HIF3A: variants seen among roughly 807,000 people sequenced by gnomAD.
HIF3A encodes the protein hypoxia inducible factor 3 subunit alpha, also known as hypoxia-inducible factor 3-alpha.
In HIF3A, 41 loss-of-function variants were observed where a neutral mutation model predicts 67.2. The observed-to-expected ratio is 0.61, with a 90% CI of 0.48 to 0.79. The LOEUF (loss-of-function observed/expected upper bound fraction) is 0.79. Ranked by LOEUF, HIF3A falls within the 30% of genes least tolerant of loss-of-function variation. The pLI, the probability that HIF3A is intolerant of heterozygous loss-of-function variation, is 0.00. For missense variants in HIF3A, 855 were observed against 898.0 expected (o/e 0.95, Z 0.61); for synonymous variants, 356 against 374.8 (o/e 0.95, Z 0.58).
rs1971863456 is a variant in HIF3A, at chr19:46,339,672, C to T, written c.*50C>T. On this transcript the variant is annotated 3_prime_UTR_variant, in exon 15 of 15. Coordinates refer to ENST00000377670, the MANE Select transcript of HIF3A (RefSeq NM_152795.4). ...TCTCCTCCCCCAGAAAGGACCTCAA[C>T]CACACTCCACGCCGGCAGCCAACGC... The T allele has an allele frequency of 7.3e-7, 1 of 1,370,942 alleles. No homozygotes were observed. The highest frequency in any genetic ancestry group is 1.5e-5 in the African/African-American group (1 of 68,940). The allele number at this position is 1,370,942 out of a possible 1,614,324, so 84.9% of individuals were successfully genotyped here. A position where few individuals can be genotyped will look rare whatever the true frequency, so the allele number is the denominator to read the frequency against.
chr19:46,324,949 T>C (rs1970654820), intron 10 of HIF3A, among the ~76,000 whole-genome samples: 1 of 142,164 alleles, frequency 7.0e-6, no homozygotes, highest in Non-Finnish European at 1.5e-5. Context: ...TATACATATA[T>C]ATATATATAC....
intron 11 of HIF3A, among the ~76,000 whole-genome samples, chr19:46,326,594 T>A (rs1257748022): frequency 1.3e-5 from 2 of 152,116 alleles, no homozygotes; most frequent in African/African-American, 4.8e-5. Flanking sequence ...CCTTACAGCA[T>A]CAGCTTGAAG....
At chr19:46,324,943 C>T (rs1172593888) in intron 10 of HIF3A, among the ~76,000 whole-genome samples, 11 of 132,244 alleles carry the variant, frequency 8.3e-5, no homozygotes, top group South Asian at 2.5e-4. Flanking sequence ...TATATATATA[C>T]ATATATATAT....
chr19:46,335,755 A>C (rs1160156648), intron 14 of HIF3A, among the ~76,000 whole-genome samples: 1 of 151,772 alleles, frequency 6.6e-6, no homozygotes, highest in Admixed American at 6.6e-5. Flanking sequence ...AGAGTGCAAG[A>C]GGGCAGGGTG....
At chr19:46,312,132 G>C (rs1969483054) in intron 6 of HIF3A, 29 bp from the exon 7 acceptor site, 7 of 1,570,216 alleles carry the variant, frequency 4.5e-6, no homozygotes, top group Admixed American at 1.7e-5. Context: ...GTAGCATCCT[G>C]ACCAGACCCC....
At chr19:46,322,019 G>A (rs1298615065) in intron 10 of HIF3A, 53 bp downstream of exon 10, 2 of 1,571,478 alleles carry the variant, frequency 1.3e-6, no homozygotes, top group African/African-American at 1.3e-5. Flanking sequence ...AGTCCCTCAG[G>A]GGGTCTTGGC....
At chr19:46,312,354 G>T (rs548033317) in intron 7 of HIF3A, 87 bp downstream of exon 7, 1 of 1,611,012 alleles carries the variant, frequency 6.2e-7, no homozygotes, top group East Asian at 2.2e-5. Flanking sequence ...CATACCCCAG[G>T]ATGCACTGCC....
chr19:46,317,258 T>C (rs1248124242), intron 8 of HIF3A, among the ~76,000 whole-genome samples: 1 of 152,108 alleles, frequency 6.6e-6, no homozygotes, highest in Non-Finnish European at 1.5e-5. Context: ...TCTCACTGTG[T>C]TGCCCAGGCT....
chr19:46,300,891 A>G (rs1465230300), intron 1 of HIF3A, among the ~76,000 whole-genome samples: 1 of 152,060 alleles, frequency 6.6e-6, no homozygotes, highest in Non-Finnish European at 1.5e-5. Context: ...CCTTCTATGG[A>G]AGAAGCAGCC....
Position 46,312,392 on chromosome 19 carries a change from C to T in HIF3A, c.878-114C>T, listed in dbSNP as rs1186100268. The T allele has an allele frequency of 5.0e-6, 8 of 1,608,480 alleles. No homozygotes were observed. The African/African-American group carries it at 1.1e-4, about 22-fold the overall frequency. On this transcript the variant is annotated intron_variant, in intron 7 of 14. Transcript: ENST00000377670. ...CCCACCTCAACACCAGCTCCCTGCT[C>T]CCCAAGCCCCAAGGAACTGTCTCCT...
At chr19:46,321,301 G>A (rs757201662) in intron 9 of HIF3A, among the ~76,000 whole-genome samples, 1 of 152,094 alleles carries the variant, frequency 6.6e-6, no homozygotes, top group Admixed American at 6.6e-5. Context: ...GTTCACACCT[G>A]GGCTGGGAGC....
intron 3 of HIF3A, among the ~76,000 whole-genome samples, chr19:46,306,225 G>A (rs1053620241): frequency 3.3e-5 from 5 of 152,186 alleles, no homozygotes; most frequent in African/African-American, 9.7e-5. Flanking sequence ...CCAGGGCCCC[G>A]GGGAGCTATA....
intron 8 of HIF3A, chr19:46,320,186 C>CGCCACT (rs1970252163): frequency 2.9e-6 from 1 of 339,372 alleles, no homozygotes; most frequent in African/African-American, 2.2e-5. Context: ...GCCGAGATCG[C>CGCCACT]GCCACTGCAC....
chr19:46,314,545 T>G (rs1231621947), intron 8 of HIF3A, among the ~76,000 whole-genome samples: 1 of 147,044 alleles, frequency 6.8e-6, no homozygotes, highest in Non-Finnish European at 1.5e-5. Flanking sequence ...ACAATTTATT[T>G]ATTTTTATTT....
chr19:46,303,795 A>G, intron 1 of HIF3A, 103 bp from the exon 2 acceptor site: 1 of 1,498,658 alleles, frequency 6.7e-7, no homozygotes, highest in Non-Finnish European at 9.1e-7. Flanking sequence ...GCGGCCCAGC[A>G]CTCCACGAGC....
rs1971955578 is a variant in HIF3A at position 46,342,119 on chromosome 19, G to A, written c.*2497G>A. On this transcript the variant is annotated 3_prime_UTR_variant, in exon 15 of 15. Coordinates refer to ENST00000377670, the MANE Select transcript of HIF3A (RefSeq NM_152795.4). ...GTGATCTGCTGTTTCTCTGGTTCTAGAACTGACTTACAAGTGCCTTCTGAT... is the reference window on the plus strand; with the variant it reads ...GTGATCTGCTGTTTCTCTGGTTCTAAAACTGACTTACAAGTGCCTTCTGAT... The A allele has an allele frequency of 6.6e-6, 1 of 152,288 alleles. No homozygotes were observed. The highest frequency in any genetic ancestry group is 1.5e-5 in the Non-Finnish European group (1 of 68,040). 9.4% of individuals were successfully genotyped at this position (152,288 alleles called of 1,614,324 possible).
chr19:46,340,508 CT>C lies in HIF3A; in HGVS notation c.*898del, dbSNP rs1332468893. 0.015 allele frequency: 2,217 copies of C among 147,874 alleles called. 42 individuals are homozygous for C. Among genetic ancestry groups the C allele is most frequent in the African/African-American group, 0.044 (1,771 of 40,280 alleles). 9.2% of individuals were successfully genotyped at this position (147,874 alleles called of 1,614,324 possible). A position where few individuals can be genotyped will look rare whatever the true frequency, so the allele number is the denominator to read the frequency against. On this transcript the variant is annotated 3_prime_UTR_variant, in exon 15 of 15. Coordinates refer to ENST00000377670, the MANE Select transcript of HIF3A (RefSeq NM_152795.4). ...TCCTGCTCCTCTTCCTCTTCTTCTT[CT>C]TTTTTTTTTTTGACAGAGTCTTGCT... is the stretch of plus-strand genomic sequence containing the variant.
chr19:46,319,005 G>A (rs1329985796), intron 8 of HIF3A, among the ~76,000 whole-genome samples: 1 of 152,182 alleles, frequency 6.6e-6, no homozygotes, highest in African/African-American at 2.4e-5. Context: ...CCAGGCCACT[G>A]ACTACAGAGT....
At chr19:46,298,397 G>C in intron 1 of HIF3A, 1 of 1,287,976 alleles carries the variant, frequency 7.8e-7, no homozygotes, top group Non-Finnish European at 1.0e-6. Context: ...GCCCTTTCCT[G>C]TGGAGTCATC....
Sources: allele counts gnomAD v4.1 joint callset (sites outside exome capture counted in the v4.1 genomes callset), GRCh38; gene constraint gnomAD v4.1.1; transcripts MANE v1.5; gene names NCBI Gene and HGNC (gene_info 2026-07-23, HGNC 2026-07-21).